The following VPS13B variants were observed in gnomAD, a reference collection of about 807,000 sequenced individuals.
VPS13B encodes intermembrane lipid transfer protein VPS13B.
A neutral mutation model predicts 426.4 loss-of-function variants in VPS13B; 285 were observed. That is an observed-to-expected ratio of 0.67 (90% CI 0.61 to 0.74). VPS13B has a LOEUF of 0.74. VPS13B is among the 30% of genes least tolerant of loss of function. The pLI, the probability that VPS13B is intolerant of heterozygous loss-of-function variation, is 0.00. For missense variants in VPS13B, 4,537 were observed against 4,782.6 expected (o/e 0.95, Z 1.51); for synonymous variants, 1,676 against 1,676.4 (o/e 1.00, Z 0.01).
chr8:99,577,400 A>C, intron 32 of VPS13B, 90 bp from the exon 33 acceptor site: 1 of 1,574,854 alleles, frequency 6.3e-7, no homozygotes, highest in Non-Finnish European at 8.7e-7. Context: ...AATGTCACCA[A>C]AGTAGTGAAG....
intron 3 of VPS13B, among the ~76,000 whole-genome samples, chr8:99,055,048 T>TTG (rs1843768676): frequency 2.0e-5 from 3 of 151,124 alleles, no homozygotes; most frequent in Admixed American, 6.6e-5. Flanking sequence ...TTTTTTGTTT[T>TTG]TTTTTTTGTT....
chr8:99,711,813 T>G (rs1832719668), intron 36 of VPS13B, among the ~76,000 whole-genome samples: 1 of 152,250 alleles, frequency 6.6e-6, no homozygotes, highest in Non-Finnish European at 1.5e-5. Flanking sequence ...AATTATTTAC[T>G]TTATCTTCAT....
At chr8:99,190,625 A>C (rs939352059) in intron 16 of VPS13B, among the ~76,000 whole-genome samples, 1 of 151,986 alleles carries the variant, frequency 6.6e-6, no homozygotes, top group African/African-American at 2.4e-5. Context: ...TACAGTTTAC[A>C]TCTTTTACTT....
At chr8:99,328,786 A>G (rs530589282) in intron 19 of VPS13B, among the ~76,000 whole-genome samples, 1 of 152,146 alleles carries the variant, frequency 6.6e-6, no homozygotes, top group South Asian at 2.1e-4. Flanking sequence ...TTCTGAGGAG[A>G]TCTCAATTTG....
intron 25 of VPS13B, among the ~76,000 whole-genome samples, chr8:99,488,421 C>G (rs911139563): frequency 6.6e-6 from 1 of 151,906 alleles, no homozygotes; most frequent in Non-Finnish European, 1.5e-5. Flanking sequence ...GGAAAACTAG[C>G]TAAACTGTCT....
chr8:99,696,296 C>T (rs1353158485), intron 35 of VPS13B: 3 of 239,350 alleles, frequency 1.3e-5, no homozygotes, highest in East Asian at 1.2e-4. Context: ...CCCCACCCCA[C>T]AGAGGTGGTG....
At chr8:99,712,362 T>G (rs945045988) in intron 36 of VPS13B, among the ~76,000 whole-genome samples, 3 of 152,224 alleles carry the variant, frequency 2.0e-5, no homozygotes, top group African/African-American at 4.8e-5. Flanking sequence ...AAAAGTATTA[T>G]TATACCTTAG....
At chr8:99,149,273 T>C (rs1466938728) in intron 14 of VPS13B, among the ~76,000 whole-genome samples, 1 of 152,254 alleles carries the variant, frequency 6.6e-6, no homozygotes, top group Non-Finnish European at 1.5e-5. Flanking sequence ...CCATATACAA[T>C]GTATTGCTTT....
At chr8:99,873,378 A>T (rs1260444635) in intron 61 of VPS13B, 1 of 152,068 alleles carries the variant, frequency 6.6e-6, no homozygotes, top group African/African-American at 2.4e-5. Context: ...GATTATTGGG[A>T]TTGTGGAATC....
intron 16 of VPS13B, among the ~76,000 whole-genome samples, chr8:99,191,992 AG>A (rs1813623469): frequency 6.6e-6 from 1 of 152,148 alleles, no homozygotes; most frequent in African/African-American, 2.4e-5. Flanking sequence ...TGTGGGGTTA[AG>A]GAAAGAGCAG....
chr8:99,496,953 T>C (rs1329177746), intron 25 of VPS13B, among the ~76,000 whole-genome samples: 3 of 151,360 alleles, frequency 2.0e-5, no homozygotes, highest in Admixed American at 1.3e-4. Flanking sequence ...TCTGTGTATA[T>C]AAAATGTTTT....
intron 43 of VPS13B, among the ~76,000 whole-genome samples, chr8:99,793,163 C>G (rs886371973): frequency 6.7e-6 from 1 of 149,390 alleles, no homozygotes; most frequent in African/African-American, 2.5e-5. Context: ...GAGATCATGC[C>G]ACTGCACTCC....
intron 19 of VPS13B, among the ~76,000 whole-genome samples, chr8:99,308,026 G>A (rs771244808): frequency 1.3e-5 from 2 of 151,956 alleles, no homozygotes; most frequent in African/African-American, 2.4e-5. Flanking sequence ...TCATTCAGGA[G>A]CATTTTGTTT....
At chr8:99,512,769 G>A (rs1416784766) in intron 29 of VPS13B, among the ~76,000 whole-genome samples, 1 of 152,144 alleles carries the variant, frequency 6.6e-6, no homozygotes, top group Non-Finnish European at 1.5e-5. Context: ...CAACACTTTG[G>A]GAGGCCGAGT....
chr8:99,875,198 G>A lies in VPS13B; in HGVS notation c.11746-220G>A, dbSNP rs1817638987. ...CAACACCAAATGCTTATTCTAAGGA[G>A]GCTGTCCTAAGTCTCATGCACAACT... is the stretch of plus-strand genomic sequence containing the variant. On this transcript the variant is annotated intron_variant, in intron 61 of 61. Transcript: ENST00000357162. The A allele has an allele frequency of 1.4e-5, 9 of 641,890 alleles. 1 individual carries two copies. The South Asian group carries it at 1.7e-4, about 12-fold the overall frequency. 39.8% of individuals were successfully genotyped at this position (641,890 alleles called of 1,614,324 possible). A position where few individuals can be genotyped will look rare whatever the true frequency, so the allele number is the denominator to read the frequency against.
At chr8:99,647,887 A>G (rs921853497) in intron 34 of VPS13B, among the ~76,000 whole-genome samples, 1 of 152,196 alleles carries the variant, frequency 6.6e-6, no homozygotes, top group Non-Finnish European at 1.5e-5. Flanking sequence ...ACATTAAATT[A>G]TGAAGATTTG....
At position 99,642,222 on chromosome 8, in the gene VPS13B, A is replaced by G; in HGVS notation, c.5632A>G (p.Ser1878Gly). Residue 1878 changes from serine (S) to glycine (G), a missense_variant, in exon 34 of 62, where the codon AGC (serine) becomes GGC (glycine). By Grantham distance (56) the Ser-to-Gly change is moderately conservative. This residue lies in a region of VPS13B where 4,311 missense variants were observed against 4,474.3 expected (regional missense o/e 0.96). Coordinates refer to ENST00000357162, the MANE Select transcript of VPS13B (RefSeq NM_152564.5). ...GGTGACAGCAGAAGATCTCTTAAGG[A>G]GCAGCATTTCTTTTCCTTCAGGGAA... ...STVTAEDLLR[S>G]SISFPSGKKI... 6.2e-7 allele frequency: 1 copy of G among 1,614,160 alleles called. No homozygotes were observed. Among genetic ancestry groups the G allele is most frequent in the Non-Finnish European group, 8.5e-7 (1 of 1,180,022 alleles).
intron 23 of VPS13B, among the ~76,000 whole-genome samples, chr8:99,443,095 G>C (rs188286101): frequency 6.6e-6 from 1 of 152,126 alleles, no homozygotes; most frequent in East Asian, 1.9e-4. Flanking sequence ...ATGATGATTA[G>C]AGTCATGATC....
chr8:99,037,926 G>T (rs7461586), intron 2 of VPS13B, among the ~76,000 whole-genome samples: 1 of 150,418 alleles, frequency 6.6e-6, no homozygotes, highest in African/African-American at 2.4e-5. Flanking sequence ...ACTTGACTTA[G>T]AATACTGTTC....
Sources: gnomAD v4.1 joint callset for allele counts (sites outside exome capture counted in the v4.1 genomes callset) on GRCh38, gnomAD v4.1.1 for gene constraint, gnomAD v4.1.1 regional missense constraint, MANE v1.5 for transcripts, NCBI Gene and HGNC (gene_info 2026-07-23, HGNC 2026-07-21) for gene names.